CCM2: variants seen among roughly 807,000 people sequenced by gnomAD.
CCM2 encodes CCM2 scaffold protein.
A neutral mutation model predicts 44.9 loss-of-function variants in CCM2; 25 were observed. The observed-to-expected ratio is 0.56, with a 90% CI of 0.41 to 0.78. The LOEUF is 0.78. Among genes scored for constraint, CCM2 ranks in the 30% least tolerant of loss-of-function variants. CCM2 has a pLI of 0.00. For missense variants in CCM2, 481 were observed against 580.6 expected (o/e 0.83, Z 1.76); for synonymous variants, 219 against 241.1 (o/e 0.91, Z 0.85).
At chr7:45,000,779 C>CACCT (rs1795580822) in intron 1 of CCM2, among the ~76,000 whole-genome samples, 1 of 152,250 alleles carries the variant, frequency 6.6e-6, no homozygotes, top group African/African-American at 2.4e-5. Flanking sequence ...GGGTGGCCTT[C>CACCT]ACCTTATGGC....
Position 45,016,006 on chromosome 7 carries a change from C to G in CCM2, c.30+15643C>G, listed in dbSNP as rs1237161599. Reference sequence around the variant, plus strand: ...TTATCATTTTTAGCACTTTTATTTCCTCTGGAAAATTTCCATCTGGAATAA... The same window carrying G: ...TTATCATTTTTAGCACTTTTATTTCGTCTGGAAAATTTCCATCTGGAATAA... On this transcript the variant is annotated intron_variant, in intron 1 of 9. Coordinates refer to ENST00000258781, the MANE Select transcript of CCM2 (RefSeq NM_031443.4). 3.9e-5 allele frequency among the ~76,000 whole-genome samples: 6 copies of G among 152,168 alleles called. No individual in the cohort carries two copies. The South Asian group carries it at 1.2e-3, about 32-fold the overall frequency.
At chr7:45,008,067 G>T (rs1400731471) in intron 1 of CCM2, among the ~76,000 whole-genome samples, 7 of 142,260 alleles carry the variant, frequency 4.9e-5, no homozygotes, top group African/African-American at 1.9e-4. Context: ...TTTTGAGGTG[G>T]AGTCTTGCTC....
At chr7:45,064,409 C>A in intron 3 of CCM2, 54 bp from the exon 4 acceptor site, 1 of 1,571,378 alleles carries the variant, frequency 6.4e-7, no homozygotes, top group East Asian at 2.2e-5. Flanking sequence ...GAGAAGCGCC[C>A]CATGCCGGTT....
intron 1 of CCM2, among the ~76,000 whole-genome samples, chr7:45,025,972 AC>A (rs1796673639): frequency 6.6e-6 from 1 of 152,114 alleles, no homozygotes. Context: ...TCTCATGCTG[AC>A]CGTGGGGATC....
intron 2 of CCM2, among the ~76,000 whole-genome samples, chr7:45,057,887 C>T (rs1798338813): frequency 6.6e-6 from 1 of 152,218 alleles, no homozygotes; most frequent in South Asian, 2.1e-4. Flanking sequence ...CCTTATGGAG[C>T]TGCCCAGCAC....
chr7:45,003,151 C>G (rs960760986), intron 1 of CCM2, among the ~76,000 whole-genome samples: 1 of 152,182 alleles, frequency 6.6e-6, no homozygotes, highest in Non-Finnish European at 1.5e-5. Context: ...TCTCAGCTCA[C>G]TGCAACCTCC....
In CCM2 at chr7:45,000,464, G is replaced by T. The variant is rs186517708; in HGVS notation, c.30+101G>T. 15,891 of 187,022 alleles carry T rather than the reference G, an allele frequency of 0.085. 585 individuals carry two copies. Among genetic ancestry groups the T allele is most frequent in the Middle Eastern group, 0.1 (63 of 616 alleles). 11.6% of individuals were successfully genotyped at this position (187,022 alleles called of 1,614,324 possible). ...GTGTTCCTTGGGGCCCGGGGGGGGG[G>T]GCAGTGGGCCAGCTGGCGGGGCGGG... On this transcript the variant is annotated intron_variant, in intron 1 of 9. Transcript: ENST00000258781.
chr7:45,002,736 A>C (rs1334096048), intron 1 of CCM2, among the ~76,000 whole-genome samples: 7 of 152,048 alleles, frequency 4.6e-5, no homozygotes, highest in African/African-American at 1.7e-4. Context: ...GGTTTCCTCA[A>C]GTGGGCCATG....
chr7:45,039,341 A>G (rs1020193777), intron 2 of CCM2, among the ~76,000 whole-genome samples: 3 of 152,240 alleles, frequency 2.0e-5, no homozygotes, highest in Non-Finnish European at 4.4e-5. Context: ...AATGCCTGCA[A>G]CCAGGCCTTT....
At chr7:45,045,641 A>G (rs1409740903) in intron 2 of CCM2, among the ~76,000 whole-genome samples, 1 of 152,174 alleles carries the variant, frequency 6.6e-6, no homozygotes, top group Non-Finnish European at 1.5e-5. Context: ...AATACAAAAA[A>G]TTAGCCGGAC....
intron 2 of CCM2, among the ~76,000 whole-genome samples, chr7:45,053,479 G>T (rs536938288): frequency 6.6e-6 from 1 of 152,240 alleles, no homozygotes; most frequent in South Asian, 2.1e-4. Flanking sequence ...TATCTGTCCT[G>T]CCCATGGAAA....
intron 5 of CCM2, 98 bp downstream of exon 5, chr7:45,068,677 T>G: frequency 5.4e-6 from 8 of 1,475,280 alleles, no homozygotes; most frequent in Non-Finnish European, 7.5e-6. Context: ...TGCTGGGCAC[T>G]GCTGGGTGCC....
At chr7:45,014,716 G>A (rs916887923) in intron 1 of CCM2, among the ~76,000 whole-genome samples, 3 of 151,252 alleles carry the variant, frequency 2.0e-5, no homozygotes, top group Middle Eastern at 6.9e-3. Flanking sequence ...CCACCTCCTG[G>A]GTTTAAGCGA....
At chr7:45,034,734 G>A (rs1797136836) in intron 1 of CCM2, among the ~76,000 whole-genome samples, 2 of 151,378 alleles carry the variant, frequency 1.3e-5, no homozygotes, top group Non-Finnish European at 2.9e-5. Context: ...TGGCCAGGCT[G>A]GTCTCTTAAC....
At chr7:45,024,156 A>G (rs1583869260) in intron 1 of CCM2, among the ~76,000 whole-genome samples, 2 of 152,190 alleles carry the variant, frequency 1.3e-5, no homozygotes, top group South Asian at 2.1e-4. Flanking sequence ...CCTTACACCT[A>G]AAGTGTGGAC....
Position 45,008,563 on chromosome 7 carries a change from T to C in CCM2, c.30+8200T>C, listed in dbSNP as rs548691696. 7.9e-5 allele frequency among the ~76,000 whole-genome samples: 12 copies of C among 152,096 alleles called. 1 individual carries two copies. The South Asian group carries it at 2.3e-3, about 29-fold the overall frequency. ...TTTTAGTAGAGACGGGGTTTCTCCA[T>C]GTGGGTCAGACTGGTCTCAAACTCC... is the stretch of plus-strand genomic sequence containing the variant. On this transcript the variant is annotated intron_variant, in intron 1 of 9. Coordinates refer to ENST00000258781, the MANE Select transcript of CCM2 (RefSeq NM_031443.4).
intron 1 of CCM2, among the ~76,000 whole-genome samples, chr7:45,005,961 A>C (rs563964817): frequency 2.0e-5 from 3 of 152,190 alleles, no homozygotes; most frequent in Admixed American, 6.5e-5. Context: ...GGTGTTCCAC[A>C]TCATGCATTC....
chr7:45,027,635 G>A, intron 1 of CCM2: 2 of 1,613,494 alleles, frequency 1.2e-6, no homozygotes, highest in Non-Finnish European at 1.7e-6. Context: ...TTCCTGTTCA[G>A]TCATGTTTTT....
rs919016577 is a variant in CCM2 at position 45,073,460 on chromosome 7, C to T, written c.804C>T (p.Phe268=). 1.1e-5 allele frequency: 18 copies of T among 1,612,492 alleles called. No individual in the cohort carries two copies. The highest frequency in any genetic ancestry group is 2.2e-5 in the South Asian group (2 of 91,056). The change falls in exon 8 of 10, where the codon TTC becomes TTT. Residue 268 remains phenylalanine, a splice_region_variant and synonymous_variant. Coordinates refer to ENST00000258781, the MANE Select transcript of CCM2 (RefSeq NM_031443.4). ...GCTCACATACCACATTCTTTCGCAG[C>T]TGCTTCCCTGAATCTGTGGATGTGG... ...KETYEVEAST[F]CFPESVDVGG...
Sources: allele counts gnomAD v4.1 joint callset (sites outside exome capture counted in the v4.1 genomes callset), GRCh38; gene constraint gnomAD v4.1.1; transcripts MANE v1.5; gene names NCBI Gene and HGNC (gene_info 2026-07-23, HGNC 2026-07-21).